The following OXR1 variants were observed in gnomAD, a reference collection of about 807,000 sequenced individuals.
OXR1 encodes oxidation resistance protein 1.
In OXR1, 41 loss-of-function variants were observed where a neutral mutation model predicts 104.6. The ratio of observed to expected loss-of-function variants is 0.39; its 90% CI spans 0.31 to 0.51. The LOEUF is 0.51. Ranked by LOEUF, OXR1 falls within the 20% of genes least tolerant of loss-of-function variation. The probability of loss-of-function intolerance (pLI) is 0.77; values close to 1 mark genes in which losing one functional copy is unlikely to be tolerated. For missense variants in OXR1, 955 were observed against 1,031.9 expected (o/e 0.93, Z 1.02); for synonymous variants, 348 against 348.4 (o/e 1.00, Z 0.01).
chr8:106,435,447 A>T (rs1044355096), intron 2 of OXR1, among the ~76,000 whole-genome samples: 5 of 152,146 alleles, frequency 3.3e-5, no homozygotes, highest in Non-Finnish European at 5.9e-5. Context: ...AATTGTGAGG[A>T]TCTGCGATGC....
intron 3 of OXR1, among the ~76,000 whole-genome samples, chr8:106,600,953 A>T (rs529797110): frequency 1.3e-5 from 2 of 152,214 alleles, no homozygotes; most frequent in African/African-American, 2.4e-5. Flanking sequence ...AGAAAACAAA[A>T]ACATGGTAAT....
Position 106,514,104 on chromosome 8 carries a change from G to A in OXR1, c.24-4839G>A, listed in dbSNP as rs184775534. Among the ~76,000 whole-genome samples the A allele has an allele frequency of 1.1e-4, 16 of 152,168 alleles. No individual in the cohort carries two copies. The East Asian group carries it at 3.1e-3, about 29-fold the overall frequency. ...ACCCATTTTCCTTTGGGAATGCAAA[G>A]CACATTCAACAAAGAACCTCGCAGT... On this transcript the variant is annotated intron_variant, in intron 2 of 16. Transcript: ENST00000517566.
chr8:106,609,067 G>A (rs981766902), intron 3 of OXR1, among the ~76,000 whole-genome samples: 2 of 152,036 alleles, frequency 1.3e-5, no homozygotes, highest in African/African-American at 2.4e-5. Flanking sequence ...TTCTTGAAGA[G>A]AGAAAAACAT....
intron 2 of OXR1, among the ~76,000 whole-genome samples, chr8:106,471,827 GA>G: frequency 6.6e-6 from 1 of 151,698 alleles, no homozygotes; most frequent in Non-Finnish European, 1.5e-5. Context: ...ATTTTATTTT[GA>G]AATAATTTTA....
chr8:106,687,952 C>T (rs1430407330), intron 6 of OXR1, among the ~76,000 whole-genome samples: 1 of 152,064 alleles, frequency 6.6e-6, no homozygotes, highest in East Asian at 1.9e-4. Context: ...ACTACTCTTG[C>T]CCAATAAATA....
chr8:106,630,123 T>C (rs1242590190), intron 3 of OXR1, among the ~76,000 whole-genome samples: 1 of 151,138 alleles, frequency 6.6e-6, no homozygotes, highest in Admixed American at 6.6e-5. Context: ...TCTGTAGATA[T>C]AAAAGGCAAA....
At chr8:106,516,648 C>G (rs578213112) in intron 2 of OXR1, among the ~76,000 whole-genome samples, 2 of 152,088 alleles carry the variant, frequency 1.3e-5, no homozygotes, top group South Asian at 4.2e-4. Context: ...TTATTACCAC[C>G]TTTTTGTGGC....
At chr8:106,433,961 T>C (rs13280788) in intron 2 of OXR1, among the ~76,000 whole-genome samples, 34,260 of 151,978 alleles carry the variant, frequency 0.23, 5,338 homozygotes, top group African/African-American at 0.42. Context: ...AGTGATTGCG[T>C]TTAAATTATT....
At chr8:106,315,996 G>A (rs1461072679) in intron 1 of OXR1, among the ~76,000 whole-genome samples, 1 of 152,158 alleles carries the variant, frequency 6.6e-6, no homozygotes, top group African/African-American at 2.4e-5. Flanking sequence ...ATAATCTATA[G>A]GTTAGACCAT....
chr8:106,641,828 A>G (rs1026910408), intron 3 of OXR1, among the ~76,000 whole-genome samples: 4 of 152,220 alleles, frequency 2.6e-5, no homozygotes, highest in African/African-American at 9.6e-5. Flanking sequence ...TTATATAAGC[A>G]CCAAAAAAAC....
intron 2 of OXR1, among the ~76,000 whole-genome samples, chr8:106,376,840 T>C (rs546706776): frequency 5.3e-4 from 81 of 152,340 alleles, no homozygotes; most frequent in African/African-American, 1.9e-3. Context: ...TAATCCAGCC[T>C]TCCCTGAAAA....
chr8:106,592,262 T>A (rs1819158036), intron 3 of OXR1, among the ~76,000 whole-genome samples: 2 of 152,190 alleles, frequency 1.3e-5, no homozygotes, highest in South Asian at 4.2e-4. Flanking sequence ...CTTGTGTGAG[T>A]AAACAGCCAA....
Position 106,685,298 on chromosome 8 carries a change from G to A in OXR1, c.525+939G>A, listed in dbSNP as rs1372780351. On this transcript the variant is annotated intron_variant, in intron 6 of 16. Transcript: ENST00000517566. Reference sequence around the variant, plus strand: ...TGTACTCATAAGGGGCAATGACAAAGTAACTACGTAGCCTTAGGTTAATTT... The same window carrying A: ...TGTACTCATAAGGGGCAATGACAAAATAACTACGTAGCCTTAGGTTAATTT... Among the ~76,000 whole-genome samples the A allele has an allele frequency of 2.0e-5, 3 of 152,142 alleles. No individual in the cohort carries two copies. In the East Asian group the frequency reaches 5.8e-4, roughly 29 times the overall value.
chr8:106,747,416 C>G (rs913405291), intron 16 of OXR1, among the ~76,000 whole-genome samples: 3 of 152,200 alleles, frequency 2.0e-5, no homozygotes, highest in Admixed American at 6.5e-5. Flanking sequence ...CCAACATGAT[C>G]TGTTCCCTTC....
Position 106,282,991 on chromosome 8 carries a change from A to T in OXR1, c.-139+12624A>T, listed in dbSNP as rs569947781. On this transcript the variant is annotated intron_variant, in intron 1 of 16. Transcript: ENST00000517566. ...TACAGACTCCCAGAGGGATTCGTAG[A>T]TGAAGAACCTAAAATCTTTCTTTGA... is the stretch of plus-strand genomic sequence containing the variant. Among the ~76,000 whole-genome samples, 50 of 152,312 alleles carry T rather than the reference A, an allele frequency of 3.3e-4. No homozygotes were observed. In the South Asian group the frequency reaches 9.8e-3, roughly 30 times the overall value.
rs962947320 is a variant in OXR1, at chr8:106,397,237, A to G, written c.23+37601A>G. On this transcript the variant is annotated intron_variant, in intron 2 of 16. Coordinates refer to ENST00000517566, the MANE Select transcript of OXR1 (RefSeq NM_001198533.2). The stretch of plus-strand genomic sequence containing the variant: ...TTCTTATTGAAAAAATAAACTAATG[A>G]TATGTATATAAATTTTAAAGCCCAG... Among the ~76,000 whole-genome samples the G allele has an allele frequency of 5.9e-5, 9 of 152,196 alleles. No individual in the cohort carries two copies. The East Asian group carries it at 1.5e-3, about 26-fold the overall frequency.
chr8:106,406,483 G>T (rs1818240633), intron 2 of OXR1, among the ~76,000 whole-genome samples: 1 of 152,052 alleles, frequency 6.6e-6, no homozygotes, highest in Non-Finnish European at 1.5e-5. Context: ...TGAAAAACTG[G>T]TGCATTCAGA....
chr8:106,436,430 G>A (rs1819571845), intron 2 of OXR1, among the ~76,000 whole-genome samples: 1 of 151,442 alleles, frequency 6.6e-6, no homozygotes, highest in African/African-American at 2.4e-5. Flanking sequence ...AATCCAAATA[G>A]CCACCACTGT....
At chr8:106,276,249 T>A (rs941326721) in intron 1 of OXR1, among the ~76,000 whole-genome samples, 2 of 152,256 alleles carry the variant, frequency 1.3e-5, no homozygotes, top group African/African-American at 4.8e-5. Context: ...GACCTTGGTC[T>A]GGGACCCCAC....
Sources: allele counts gnomAD v4.1 joint callset (sites outside exome capture counted in the v4.1 genomes callset), GRCh38; gene constraint gnomAD v4.1.1; transcripts MANE v1.5; gene names NCBI Gene and HGNC (gene_info 2026-07-23, HGNC 2026-07-21).